The following SHPRH variants were observed in gnomAD, a reference collection of about 807,000 sequenced individuals.
The protein encoded by SHPRH is SNF2 histone linker PHD RING helicase, also known as E3 ubiquitin-protein ligase SHPRH.
In SHPRH, 106 loss-of-function variants were observed where a neutral mutation model predicts 202.5. The observed-to-expected ratio is 0.52, with a 90% CI of 0.45 to 0.62. SHPRH has a LOEUF of 0.62. Ranked by LOEUF, SHPRH falls within the 20% of genes least tolerant of loss-of-function variation. SHPRH has a pLI of 0.00. For synonymous variants in SHPRH, 729 were observed against 686.0 expected, an observed-to-expected ratio of 1.06 and a Z score of -0.98; for missense variants, 1,710 against 2,020.0, an observed-to-expected ratio of 0.85 and a Z score of 2.94.
chr6:145,880,059 C>T (rs1222304152), downstream of SHPRH, among the ~76,000 whole-genome samples: 1 of 151,914 alleles, frequency 6.6e-6, no homozygotes, highest in Non-Finnish European at 1.5e-5. Context: ...AGACACAAGA[C>T]TAAGTACTAA....
At chr6:145,951,687 C>A in intron 3 of SHPRH, 1 of 407,560 alleles carries the variant, frequency 2.5e-6, no homozygotes, top group Non-Finnish European at 5.0e-6. Context: ...TAAAGCATTG[C>A]AAAGAATGTA....
rs1368687822 is a variant in SHPRH at position 145,943,171 on chromosome 6, T to C, written c.2210A>G (p.His737Arg). The C allele has an allele frequency of 6.2e-7, 1 of 1,607,976 alleles. No individual in the cohort carries two copies. The highest frequency in any genetic ancestry group is 1.1e-5 in the South Asian group (1 of 90,126). The change falls in exon 9 of 30, where the codon CAT (histidine) becomes CGT (arginine). Residue 737 changes from histidine to arginine, a missense_variant. This residue lies in a region of SHPRH where 277 missense variants were observed against 363.0 expected (regional missense o/e 0.76). Coordinates refer to ENST00000275233, the MANE Select transcript of SHPRH (RefSeq NM_001042683.3). ...CHQWVDEINR[H>R]VRSSSLRVLV... Reference sequence around the variant, plus strand: ...GACTCGAAGAGATGACGACCTCACATGCCTGTTGATCTCATCCACCCACTG... The same window carrying C: ...GACTCGAAGAGATGACGACCTCACACGCCTGTTGATCTCATCCACCCACTG...
At chr6:145,905,974 A>G (rs986696750) in intron 25 of SHPRH, 2 of 151,644 alleles carry the variant, frequency 1.3e-5, no homozygotes, top group Non-Finnish European at 2.9e-5. Context: ...CATATTTTCT[A>G]CCTCTTGTAG....
intron 1 of SHPRH, among the ~76,000 whole-genome samples, chr6:145,963,510 C>G (rs186210508): frequency 6.6e-6 from 1 of 152,296 alleles, no homozygotes; most frequent in East Asian, 1.9e-4. Context: ...AACACCCTAT[C>G]TTCGTTCATA....
intron 5 of SHPRH, among the ~76,000 whole-genome samples, chr6:145,948,003 T>A (rs1310735356): frequency 3.3e-5 from 5 of 152,040 alleles, no homozygotes; most frequent in Non-Finnish European, 7.4e-5. Flanking sequence ...GACCCCATAA[T>A]AAACAAGATA....
intron 21 of SHPRH, among the ~76,000 whole-genome samples, chr6:145,919,786 A>T (rs962515319): frequency 6.6e-6 from 1 of 152,140 alleles, no homozygotes; most frequent in Non-Finnish European, 1.5e-5. Flanking sequence ...TTTATTTTTT[A>T]AAAATAGTTT....
intron 25 of SHPRH, among the ~76,000 whole-genome samples, chr6:145,902,286 A>G (rs1379228957): frequency 6.6e-6 from 1 of 152,114 alleles, no homozygotes; most frequent in Non-Finnish European, 1.5e-5. Flanking sequence ...AACACAACTC[A>G]AGATCAGAAA....
In SHPRH at chr6:145,963,791, C is replaced by T. The variant is rs1789358650; in HGVS notation, c.-93G>A. 1 of 152,186 alleles carries T rather than the reference C, an allele frequency of 6.6e-6. No individual in the cohort carries two copies. The highest frequency in any genetic ancestry group is 6.5e-5 in the Admixed American group (1 of 15,272). The allele number at this position is 152,186 out of a possible 1,614,324, so 9.4% of individuals were successfully genotyped here. On this transcript the variant is annotated 5_prime_UTR_variant, in exon 1 of 30. Coordinates refer to ENST00000275233, the MANE Select transcript of SHPRH (RefSeq NM_001042683.3). Reference sequence around the variant, plus strand: ...GGAGTCTGAGCGGGGCTGTCAGCGCCGGATCGCTCCCAGCAGGCCGAGCAA... The same window carrying T: ...GGAGTCTGAGCGGGGCTGTCAGCGCTGGATCGCTCCCAGCAGGCCGAGCAA...
At chr6:145,867,175 G>A (rs1779815995) in intron 2 of SHPRH, among the ~76,000 whole-genome samples, 2 of 151,562 alleles carry the variant, frequency 1.3e-5, no homozygotes, top group South Asian at 2.1e-4. Context: ...TCTACTCTTC[G>A]TCACTCTCTG....
intron 2 of SHPRH, among the ~76,000 whole-genome samples, chr6:145,876,002 T>G (rs1391531144): frequency 6.6e-6 from 1 of 152,246 alleles, no homozygotes; most frequent in Non-Finnish European, 1.5e-5. Flanking sequence ...CAAAAATATC[T>G]TCGAGATACA....
At chr6:145,863,653 C>G (rs1035026062), downstream of SHPRH, among the ~76,000 whole-genome samples, 2 of 152,056 alleles carry the variant, frequency 1.3e-5, no homozygotes, top group African/African-American at 4.8e-5. Context: ...CTGAGATGGA[C>G]TGGGCTAGTT....
At chr6:145,905,839 G>A (rs1782911802) in intron 25 of SHPRH, 1 of 152,006 alleles carries the variant, frequency 6.6e-6, no homozygotes, top group Non-Finnish European at 1.5e-5. Context: ...ATCCTTGCCT[G>A]TTCTGTTATT....
chr6:145,929,638 A>G (rs771514288), intron 14 of SHPRH, among the ~76,000 whole-genome samples: 1 of 152,074 alleles, frequency 6.6e-6, no homozygotes, highest in Non-Finnish European at 1.5e-5. Flanking sequence ...CAGAAGGAAC[A>G]TATCCTCTAT....
intron 1 of SHPRH, among the ~76,000 whole-genome samples, chr6:145,959,855 T>C (rs574037585): frequency 3.3e-5 from 5 of 152,268 alleles, no homozygotes; most frequent in Non-Finnish European, 5.9e-5. Flanking sequence ...AAGCATCTTA[T>C]CCTCTCTTAT....
intron 1 of SHPRH, among the ~76,000 whole-genome samples, chr6:145,958,225 C>A (rs1401847488): frequency 6.6e-6 from 1 of 152,062 alleles, no homozygotes; most frequent in Non-Finnish European, 1.5e-5. Context: ...AAATGTTCAA[C>A]ACATGATTGC....
intron 20 of SHPRH, among the ~76,000 whole-genome samples, chr6:145,921,935 T>C (rs76202073): frequency 0.042 from 6,359 of 152,106 alleles, 221 homozygotes; most frequent in East Asian, 0.17. Context: ...TCTTTATTCT[T>C]GAAGAAGTTA....
intron 1 of SHPRH, among the ~76,000 whole-genome samples, chr6:145,956,610 G>A (rs1208371573): frequency 1.3e-5 from 2 of 151,980 alleles, no homozygotes; most frequent in Non-Finnish European, 1.5e-5. Context: ...CACACACAAG[G>A]AAATAAAAAG....
At chr6:145,862,438 C>A (rs1245325236), downstream of SHPRH, among the ~76,000 whole-genome samples, 10 of 130,640 alleles carry the variant, frequency 7.7e-5, no homozygotes, top group South Asian at 2.5e-4. Flanking sequence ...CAAAACAAAA[C>A]AAAAAAACAA....
Position 145,910,569 on chromosome 6 carries a change from C to T in SHPRH, c.4394G>A (p.Ser1465Asn). The change falls in exon 25 of 30, where the codon AGC (serine) becomes AAC (asparagine). Residue 1465 changes from serine to asparagine, a missense_variant. Ser to Asn is a conservative substitution (Grantham distance 46). This residue lies in a region of SHPRH where 306 missense variants were observed against 479.5 expected (regional missense o/e 0.64). Coordinates refer to ENST00000275233, the MANE Select transcript of SHPRH (RefSeq NM_001042683.3). The stretch of plus-strand genomic sequence containing the variant: ...AATGGAGCTTCTGTGAGATCCCACG[C>T]TGTATTGTTCAATAATTATAGAAAT... ...ECISIIIEQY[S>N]VGSHRSSIKC... The T allele has an allele frequency of 6.2e-7, 1 of 1,613,024 alleles. No homozygotes were observed. Among genetic ancestry groups the T allele is most frequent in the Non-Finnish European group, 8.5e-7 (1 of 1,179,540 alleles).
Sources: gnomAD v4.1 joint callset for allele counts (sites outside exome capture counted in the v4.1 genomes callset) on GRCh38, gnomAD v4.1.1 for gene constraint, gnomAD v4.1.1 regional missense constraint, MANE v1.5 for transcripts, NCBI Gene and HGNC (gene_info 2026-07-23, HGNC 2026-07-21) for gene names.